TMEM132D: variants seen among roughly 807,000 people sequenced by gnomAD.
The protein encoded by TMEM132D is mature OL transmembrane protein.
In TMEM132D, 21 loss-of-function variants were observed where a neutral mutation model predicts 62.3. The ratio of observed to expected loss-of-function variants is 0.34; its 90% confidence interval spans 0.24 to 0.49. The LOEUF is 0.49. Ranked by LOEUF, TMEM132D falls within the 20% of genes least tolerant of loss-of-function variation. The pLI is 0.99. For synonymous variants in TMEM132D, 621 were observed against 575.6 expected (o/e 1.08, Z -1.13); for missense variants, 1,346 against 1,402.8 (o/e 0.96, Z 0.65).
rs184438757 is a variant in TMEM132D, at chr12:129,870,700, A to T, written c.79+32561T>A. 3.7e-4 allele frequency among the ~76,000 whole-genome samples: 56 copies of T among 152,328 alleles called. No individual in the cohort carries two copies. In the East Asian group the frequency reaches 7.5e-3, roughly 20 times the overall value. ...CTGTGGGCTGCTTTATTGAACCTAA[A>T]GAGAGGTTGTAGGAACCCCAAAATG... On this transcript the variant is annotated intron_variant, in intron 1 of 8. Transcript: ENST00000422113.
intron 2 of TMEM132D, among the ~76,000 whole-genome samples, chr12:129,535,922 T>C (rs1876375307): frequency 6.6e-6 from 1 of 152,124 alleles, no homozygotes. Flanking sequence ...TTGGATTGTG[T>C]GTAAGTCTCA....
At chr12:129,272,256 G>A (rs1400807294) in intron 4 of TMEM132D, among the ~76,000 whole-genome samples, 4 of 151,810 alleles carry the variant, frequency 2.6e-5, no homozygotes, top group African/African-American at 9.7e-5. Context: ...CCCCAGACCT[G>A]CTCAATCAGG....
At chr12:129,380,647 C>T (rs148598866) in intron 3 of TMEM132D, among the ~76,000 whole-genome samples, 197 of 152,128 alleles carry the variant, frequency 1.3e-3, no homozygotes, top group Non-Finnish European at 2.3e-3. Flanking sequence ...TCACCACAGT[C>T]GAGACACTTG....
At chr12:129,738,758 C>T (rs1272056048) in intron 1 of TMEM132D, among the ~76,000 whole-genome samples, 4 of 152,130 alleles carry the variant, frequency 2.6e-5, no homozygotes, top group South Asian at 2.1e-4. Context: ...TCCTTGAGCA[C>T]GGTAGCACCA....
intron 2 of TMEM132D, among the ~76,000 whole-genome samples, chr12:129,650,090 G>A (rs1049407904): frequency 6.6e-6 from 1 of 152,030 alleles, no homozygotes; most frequent in African/African-American, 2.4e-5. Flanking sequence ...CCGCTCTAAG[G>A]TATTTTCTAT....
chr12:129,673,584 G>A (rs1462657576), intron 2 of TMEM132D, among the ~76,000 whole-genome samples: 6 of 152,092 alleles, frequency 3.9e-5, no homozygotes, highest in Non-Finnish European at 7.4e-5. Context: ...TCTCGTGTCC[G>A]AATAAAATTC....
At chr12:129,281,552 T>C (rs936676300) in intron 4 of TMEM132D, among the ~76,000 whole-genome samples, 8 of 152,176 alleles carry the variant, frequency 5.3e-5, no homozygotes, top group Non-Finnish European at 7.3e-5. Flanking sequence ...GCATTTGTTT[T>C]GCACTCTTTG....
At chr12:129,135,740 G>T (rs1436366707) in intron 5 of TMEM132D, among the ~76,000 whole-genome samples, 1 of 152,146 alleles carries the variant, frequency 6.6e-6, no homozygotes, top group Admixed American at 6.5e-5. Context: ...AAGTGAGGGA[G>T]AATCTTTTCC....
chr12:129,184,853 G>A (rs534802340), intron 5 of TMEM132D, among the ~76,000 whole-genome samples: 6 of 151,104 alleles, frequency 4.0e-5, no homozygotes, highest in Middle Eastern at 3.4e-3. Context: ...AAGAAAGGAC[G>A]AGTGTTTGGG....
chr12:129,518,544 C>T (rs1365769840), intron 3 of TMEM132D, among the ~76,000 whole-genome samples: 13 of 99,452 alleles, frequency 1.3e-4, no homozygotes, highest in African/African-American at 3.7e-4. Context: ...TACACATGTG[C>T]GTGTGTGTGT....
chr12:129,091,266 TG>T (rs1447970742), intron 5 of TMEM132D, among the ~76,000 whole-genome samples: 1 of 151,770 alleles, frequency 6.6e-6, no homozygotes, highest in East Asian at 1.9e-4. Context: ...CCCTGGGCTC[TG>T]GGGACCCTTC....
intron 3 of TMEM132D, among the ~76,000 whole-genome samples, chr12:129,383,342 C>T (rs1871007139): frequency 6.6e-6 from 1 of 152,178 alleles, no homozygotes; most frequent in African/African-American, 2.4e-5. Flanking sequence ...AGCCCACCAG[C>T]CCTCAGTGTG....
chr12:129,702,296 C>A (rs1881402627), intron 1 of TMEM132D, among the ~76,000 whole-genome samples: 1 of 152,092 alleles, frequency 6.6e-6, no homozygotes, highest in African/African-American at 2.4e-5. Context: ...TGACAATTTC[C>A]TAGGGTTCAA....
chr12:129,785,050 A>C (rs1474751738), intron 1 of TMEM132D, among the ~76,000 whole-genome samples: 2 of 152,168 alleles, frequency 1.3e-5, no homozygotes, highest in African/African-American at 4.8e-5. Context: ...TCGACATATC[A>C]TGAACTTCCA....
chr12:129,162,977 C>T (rs570359223), intron 5 of TMEM132D, among the ~76,000 whole-genome samples: 1 of 152,304 alleles, frequency 6.6e-6, no homozygotes, highest in South Asian at 2.1e-4. Flanking sequence ...CTGCGCAGGA[C>T]CAGCTCTCAA....
At chr12:129,835,304 G>A (rs1872970122) in intron 1 of TMEM132D, among the ~76,000 whole-genome samples, 1 of 152,056 alleles carries the variant, frequency 6.6e-6, no homozygotes, top group Non-Finnish European at 1.5e-5. Context: ...CTTTGTTTTT[G>A]TTTTGAGATA....
chr12:129,520,317 C>A (rs2137080533), intron 3 of TMEM132D, among the ~76,000 whole-genome samples: 2 of 152,290 alleles, frequency 1.3e-5, no homozygotes, highest in South Asian at 4.1e-4. Context: ...GTGCATACGT[C>A]TCTAATCCTT....
chr12:129,841,378 G>T (rs1873187917), intron 1 of TMEM132D, among the ~76,000 whole-genome samples: 2 of 152,122 alleles, frequency 1.3e-5, no homozygotes, highest in Non-Finnish European at 2.9e-5. Flanking sequence ...TGTCTAATTA[G>T]ATTGAATGAG....
intron 3 of TMEM132D, among the ~76,000 whole-genome samples, chr12:129,460,953 C>T (rs1873647147): frequency 6.6e-6 from 1 of 152,194 alleles, no homozygotes; most frequent in Non-Finnish European, 1.5e-5. Flanking sequence ...GACTGCACAT[C>T]ACTGGACATC....
Sources: allele counts gnomAD v4.1 joint callset (sites outside exome capture counted in the v4.1 genomes callset), GRCh38; gene constraint gnomAD v4.1.1; transcripts MANE v1.5; gene names NCBI Gene and HGNC (gene_info 2026-07-23, HGNC 2026-07-21).